TOP2B: variants seen among roughly 807,000 people sequenced by gnomAD.
The protein encoded by TOP2B is DNA topoisomerase II beta.
A neutral mutation model predicts 193.5 loss-of-function variants in TOP2B; 51 were observed. That is an observed-to-expected ratio of 0.26 (90% CI 0.21 to 0.33). The LOEUF is 0.33. Among genes scored for constraint, TOP2B ranks in the 10% least tolerant of loss-of-function variants. The probability of loss-of-function intolerance (pLI) is 1.00; values close to 1 mark genes in which losing one functional copy is unlikely to be tolerated. For missense variants in TOP2B, 1,378 were observed against 1,909.3 expected, an observed-to-expected ratio of 0.72 and a Z score of 5.19; for synonymous variants, 634 against 635.7, an observed-to-expected ratio of 1.00 and a Z score of 0.04.
chr3:25,598,308 T>TTGA lies in TOP2B; in HGVS notation c.4879_4880insTCA (p.Ter1627delinsPheLys). ...AAAATGTTTGTGCTCTTTGGGCACTTAATTAAACATTGCAAAATCAACATC... is the reference window on the plus strand; with the variant it reads ...AAAATGTTTGTGCTCTTTGGGCACTTTGAAATTAAACATTGCAAAATCAACATC... On this transcript the variant is annotated stop_lost, in exon 36 of 36. Transcript: ENST00000264331. 1 of 1,606,750 alleles carries TTGA rather than the reference T, an allele frequency of 6.2e-7. No individual in the cohort carries two copies. Among genetic ancestry groups the TTGA allele is most frequent in the Non-Finnish European group, 8.5e-7 (1 of 1,175,674 alleles).
chr3:25,635,271 T>A (rs1703074030), intron 7 of TOP2B, among the ~76,000 whole-genome samples: 1 of 152,134 alleles, frequency 6.6e-6, no homozygotes, highest in Admixed American at 6.6e-5. Flanking sequence ...AGTCCCACAC[T>A]AATGCTTATT....
chr3:25,655,605 A>G (rs1311652760), intron 1 of TOP2B, among the ~76,000 whole-genome samples: 1 of 152,248 alleles, frequency 6.6e-6, no homozygotes, highest in African/African-American at 2.4e-5. Context: ...GGTATTATTC[A>G]TAATAGCCAA....
chr3:25,644,942 C>T (rs1342652757), intron 2 of TOP2B, among the ~76,000 whole-genome samples: 2 of 151,060 alleles, frequency 1.3e-5, no homozygotes, highest in Non-Finnish European at 3.0e-5. Flanking sequence ...ACTACAGGCG[C>T]CCGCCACCAC....
At chr3:25,611,175 CT>C (rs1559493507) in intron 28 of TOP2B, among the ~76,000 whole-genome samples, 1 of 152,096 alleles carries the variant, frequency 6.6e-6, no homozygotes, top group Non-Finnish European at 1.5e-5. Flanking sequence ...GGAATAAGCT[CT>C]GGGCATAGAT....
intron 1 of TOP2B, among the ~76,000 whole-genome samples, chr3:25,652,985 T>C (rs1703635944): frequency 6.6e-6 from 1 of 151,884 alleles, no homozygotes; most frequent in Non-Finnish European, 1.5e-5. Flanking sequence ...GTCACAGAAA[T>C]AAAGATTATA....
chr3:25,645,194 A>G (rs567944151), intron 2 of TOP2B, 106 bp downstream of exon 2: 1 of 1,061,728 alleles, frequency 9.4e-7, no homozygotes, highest in African/African-American at 1.6e-5. Flanking sequence ...ATGACAGATG[A>G]AATTACAAAT....
chr3:25,648,538 G>A (rs1703478149), intron 1 of TOP2B, among the ~76,000 whole-genome samples: 1 of 152,078 alleles, frequency 6.6e-6, no homozygotes, highest in African/African-American at 2.4e-5. Context: ...AAAGAAACAG[G>A]GAAATACAGC....
chr3:25,618,286 G>T, intron 25 of TOP2B, 132 bp downstream of exon 25: 2 of 643,526 alleles, frequency 3.1e-6, no homozygotes, highest in Non-Finnish European at 5.4e-6. Flanking sequence ...ATAAACAGAA[G>T]ACTTTAGTCT....
chr3:25,646,653 T>C (rs1383195461), intron 1 of TOP2B, among the ~76,000 whole-genome samples: 2 of 152,204 alleles, frequency 1.3e-5, no homozygotes, highest in Non-Finnish European at 2.9e-5. Context: ...CTTCAAATTT[T>C]AGTAGAAATT....
chr3:25,637,983 T>A (rs10510570), intron 5 of TOP2B, among the ~76,000 whole-genome samples, 182 bp downstream of exon 5: 54,702 of 151,656 alleles, frequency 0.36, 10,646 homozygotes, highest in African/African-American at 0.51. Context: ...GTACTATCAG[T>A]CTTAAGGTTT....
At chr3:25,611,997 C>T (rs1166785939) in intron 28 of TOP2B, among the ~76,000 whole-genome samples, 1 of 151,750 alleles carries the variant, frequency 6.6e-6, no homozygotes, top group African/African-American at 2.4e-5. Flanking sequence ...GGCTGGAGTG[C>T]AGTGGCACAA....
At chr3:25,656,844 T>A (rs1703759717) in intron 1 of TOP2B, among the ~76,000 whole-genome samples, 1 of 152,204 alleles carries the variant, frequency 6.6e-6, no homozygotes, top group Admixed American at 6.5e-5. Flanking sequence ...AATGAATGCA[T>A]AAAGAAATAT....
At chr3:25,652,265 A>C (rs1314815706) in intron 1 of TOP2B, among the ~76,000 whole-genome samples, 1 of 152,212 alleles carries the variant, frequency 6.6e-6, no homozygotes, top group African/African-American at 2.4e-5. Flanking sequence ...TGGATAGAAC[A>C]ACCACACAGA....
At position 25,607,195 on chromosome 3, in the gene TOP2B, G is replaced by A; in HGVS notation, c.4274C>T (p.Pro1425Leu). ...CTCTGGAGTGGCTTTTGATTTGCCT[G>A]GTGAAAATGTATATTCATCTTTATC... ...GLDKDEYTFSPGKSKATPEKS... is the reference protein window; with the variant it reads ...GLDKDEYTFSLGKSKATPEKS... Residue 1425 changes from proline to leucine, a missense_variant, in exon 31 of 36, where the codon CCA becomes CTA. Coordinates refer to ENST00000264331, the MANE Select transcript of TOP2B (RefSeq NM_001330700.2). The A allele has an allele frequency of 1.9e-6, 3 of 1,612,806 alleles. No individual in the cohort carries two copies. Among genetic ancestry groups the A allele is most frequent in the South Asian group, 2.2e-5 (2 of 90,928 alleles).
At chr3:25,617,101 T>TGA (rs1378618952) in intron 25 of TOP2B, among the ~76,000 whole-genome samples, 1 of 152,104 alleles carries the variant, frequency 6.6e-6, no homozygotes, top group Non-Finnish European at 1.5e-5. Flanking sequence ...ATGCAATAAC[T>TGA]GAAATCAAGC....
Position 25,607,178 on chromosome 3 carries a change from T to C in TOP2B, c.4291A>G (p.Thr1431Ala). 2 of 1,613,106 alleles carry C rather than the reference T, an allele frequency of 1.2e-6. No individual in the cohort carries two copies. The highest frequency in any genetic ancestry group is 1.7e-6 in the Non-Finnish European group (2 of 1,179,482). Residue 1431 changes from threonine (T) to alanine (A), a missense_variant, in exon 31 of 36, where the codon ACT becomes GCT. By Grantham distance (58) the Thr-to-Ala change is moderately conservative. This residue lies in a region of TOP2B where 556 missense variants were observed against 584.2 expected (regional missense o/e 0.95). Transcript: ENST00000264331. ...YTFSPGKSKA[T>A]PEKSLHDKKS... ...CTAAATAGCATTACTTACTCTGGAG[T>C]GGCTTTTGATTTGCCTGGTGAAAAT...
At chr3:25,599,391 T>C (rs1702025942) in intron 35 of TOP2B, 44 bp downstream of exon 35, 2 of 1,579,920 alleles carry the variant, frequency 1.3e-6, no homozygotes, top group Non-Finnish European at 8.6e-7. Context: ...ACAGATCTTT[T>C]TTTAAAAAGC....
rs756732341 is a variant in TOP2B, at chr3:25,598,496, G to T, written c.4711-19C>A. On this transcript the variant is annotated intron_variant, in intron 35 of 35. Transcript: ENST00000264331. ...TCGGTTTCTAGATTTTTTTTCAATA[G>T]ATTTAAAAGTTATGAAAGGAAGTAA... 36 of 1,546,072 alleles carry T rather than the reference G, an allele frequency of 2.3e-5. No homozygotes were observed. In the South Asian group the frequency reaches 4.3e-4, roughly 19 times the overall value.
In TOP2B at chr3:25,638,301, GT is replaced by G; in HGVS notation, c.404del (p.Asn135ThrfsTer3). The G allele has an allele frequency of 4.6e-6, 1 of 218,002 alleles. No homozygotes were observed. Among genetic ancestry groups the G allele is most frequent in the Non-Finnish European group, 8.7e-6 (1 of 114,840 alleles). The allele number at this position is 218,002 out of a possible 1,614,324, so 13.5% of individuals were successfully genotyped here. A position where few individuals can be genotyped will look rare whatever the true frequency, so the allele number is the denominator to read the frequency against. On this transcript the variant is annotated frameshift_variant, in exon 5 of 36. Coordinates refer to ENST00000264331, the MANE Select transcript of TOP2B (RefSeq NM_001330700.2). LOFTEE classifies it high-confidence loss of function. ...TCCCATTATTCCAAATGCTTATAAT[GT>G]TAGATTCACTGTAAAAAAAAAAAAA... is the stretch of plus-strand genomic sequence containing the variant. ...CIKVSIDPES[N>X]IISIWNNGKG...
Sources: allele counts gnomAD v4.1 joint callset (sites outside exome capture counted in the v4.1 genomes callset), GRCh38; gene constraint gnomAD v4.1.1; regional missense constraint gnomAD v4.1.1; transcripts MANE v1.5; gene names NCBI Gene and HGNC (gene_info 2026-07-23, HGNC 2026-07-21).